The following SYNE2 variants were observed in gnomAD, a reference collection of about 807,000 sequenced individuals.
SYNE2 encodes the protein spectrin repeat containing nuclear envelope protein 2.
Under a neutral mutation model 856.3 loss-of-function variants are expected in SYNE2, and 431 were observed. The ratio of observed to expected loss-of-function variants is 0.50; its 90% CI spans 0.47 to 0.55. SYNE2 has a LOEUF of 0.55. Among genes scored for constraint, SYNE2 ranks in the 20% least tolerant of loss-of-function variants. The pLI is 0.00. For missense variants in SYNE2, 8,129 were observed against 8,023.2 expected, an observed-to-expected ratio of 1.01 and a Z score of -0.50; for synonymous variants, 2,923 against 2,872.3, an observed-to-expected ratio of 1.02 and a Z score of -0.56.
At chr14:63,902,407 CAAAAAAAA>C (rs10533353) in intron 1 of SYNE2, among the ~76,000 whole-genome samples, 2 of 74,644 alleles carry the variant, frequency 2.7e-5, no homozygotes, top group South Asian at 4.8e-4. Context: ...CGAGACTCCT[CAAAAAAAA>C]AAAAAAAAAA....
At chr14:64,174,108 G>A in intron 94 of SYNE2, 1 of 481,084 alleles carries the variant, frequency 2.1e-6, no homozygotes, top group East Asian at 3.3e-5. Flanking sequence ...GCGTCACTCT[G>A]TCACCCAGGC....
intron 32 of SYNE2, among the ~76,000 whole-genome samples, chr14:64,015,405 A>G (rs944202346): frequency 1.3e-5 from 2 of 152,040 alleles, no homozygotes; most frequent in Admixed American, 6.5e-5. Flanking sequence ...TGTATTTAAT[A>G]TTGGATGAGT....
Position 63,949,368 on chromosome 14 carries a change from A to G in SYNE2, c.409-457A>G, listed in dbSNP as rs547550087. On this transcript the variant is annotated intron_variant, in intron 6 of 115. Coordinates refer to ENST00000555002, the MANE Select transcript of SYNE2 (RefSeq NM_182914.3). ...ATTGTTTTTCATAGATTTAATGGCAATTTTATTTGTTTCCTCTGGACTTGT... is the reference window on the plus strand; with the variant it reads ...ATTGTTTTTCATAGATTTAATGGCAGTTTTATTTGTTTCCTCTGGACTTGT... Among the ~76,000 whole-genome samples the G allele has an allele frequency of 3.9e-5, 6 of 152,224 alleles. No homozygotes were observed. In the South Asian group the frequency reaches 1.0e-3, roughly 26 times the overall value.
chr14:64,149,203 C>T (rs2098218021), intron 84 of SYNE2, among the ~76,000 whole-genome samples: 1 of 151,628 alleles, frequency 6.6e-6, no homozygotes, highest in African/African-American at 2.4e-5. Flanking sequence ...TACTCGGGAG[C>T]TGAGGCAGGA....
intron 11 of SYNE2, among the ~76,000 whole-genome samples, chr14:63,974,852 ATGTGTG>A (rs1289413090): frequency 1.6e-3 from 124 of 78,652 alleles, no homozygotes; most frequent in Middle Eastern, 7.2e-3. Flanking sequence ...GTGTGTGTAC[ATGTGTG>A]TGTGTGTGTG....
intron 64 of SYNE2, among the ~76,000 whole-genome samples, chr14:64,103,548 A>G (rs2097751820): frequency 6.6e-6 from 1 of 151,182 alleles, no homozygotes; most frequent in Non-Finnish European, 1.5e-5. Flanking sequence ...TGATCCATAA[A>G]CCTCTCACTC....
At chr14:63,940,935 T>G (rs2095905715) in intron 3 of SYNE2, among the ~76,000 whole-genome samples, 1 of 152,236 alleles carries the variant, frequency 6.6e-6, no homozygotes, top group Admixed American at 6.5e-5. Flanking sequence ...ATCACATCTC[T>G]TTCATCAAGT....
chr14:63,763,415 G>A (rs1886562691), intron 1 of SYNE2, among the ~76,000 whole-genome samples: 2 of 151,304 alleles, frequency 1.3e-5, no homozygotes, highest in African/African-American at 2.4e-5. Context: ...TTTTTTTCAA[G>A]AGACAGAGTC....
chr14:64,216,881 T>A (rs1276697413), intron 108 of SYNE2, among the ~76,000 whole-genome samples: 1 of 152,134 alleles, frequency 6.6e-6, no homozygotes, highest in East Asian at 1.9e-4. Context: ...TGCACCACCA[T>A]GCCTGGCTAA....
intron 8 of SYNE2, among the ~76,000 whole-genome samples, chr14:63,959,308 T>G (rs2096279910): frequency 7.0e-6 from 1 of 142,174 alleles, no homozygotes. Context: ...TTTTTTTTTT[T>G]TTTTTGAGAT....
At chr14:64,085,141 C>T (rs767944869) in intron 57 of SYNE2, 13 of 613,238 alleles carry the variant, frequency 2.1e-5, no homozygotes, top group Non-Finnish European at 3.5e-5. Context: ...GGCACAATGT[C>T]GGCTCACTGC....
chr14:64,148,218 G>A (rs1567461990), intron 84 of SYNE2, among the ~76,000 whole-genome samples: 1 of 152,092 alleles, frequency 6.6e-6, no homozygotes, highest in Non-Finnish European at 1.5e-5. Flanking sequence ...AAGAGGCTAA[G>A]GGAAGAATAT....
chr14:64,056,978 ATTTC>A (rs1485411710), intron 49 of SYNE2, among the ~76,000 whole-genome samples: 3 of 151,102 alleles, frequency 2.0e-5, no homozygotes, highest in Non-Finnish European at 3.0e-5. Flanking sequence ...TTCTTCTGTT[ATTTC>A]TTTTTTTTAA....
intron 102 of SYNE2, 55 bp downstream of exon 102, chr14:64,209,633 T>TG: frequency 6.2e-7 from 1 of 1,606,274 alleles, no homozygotes; most frequent in Non-Finnish European, 8.5e-7. Context: ...GCAGCGAGCC[T>TG]GGGGGCTGCT....
chr14:63,967,481 A>C (rs2096409845), intron 10 of SYNE2, among the ~76,000 whole-genome samples: 1 of 152,170 alleles, frequency 6.6e-6, no homozygotes, highest in East Asian at 1.9e-4. Context: ...GTATAAATCC[A>C]ACAATACACA....
chr14:64,218,251 C>A, intron 108 of SYNE2, 147 bp from the exon 109 acceptor site: 1 of 751,604 alleles, frequency 1.3e-6, no homozygotes, highest in South Asian at 1.5e-5. Context: ...TACCTAGACA[C>A]TAAAGCACCA....
intron 90 of SYNE2, among the ~76,000 whole-genome samples, chr14:64,166,432 T>C (rs973669329): frequency 6.6e-6 from 1 of 152,228 alleles, no homozygotes; most frequent in African/African-American, 2.4e-5. Context: ...CTTGTCAGCT[T>C]AGAAGCTGTC....
intron 9 of SYNE2, among the ~76,000 whole-genome samples, chr14:63,962,351 C>T (rs1263376930): frequency 6.6e-6 from 1 of 151,974 alleles, no homozygotes; most frequent in South Asian, 2.1e-4. Flanking sequence ...CCACTGCGGC[C>T]GGCCTGTCAA....
At chr14:63,812,681 C>T (rs1888658920) in intron 1 of SYNE2, among the ~76,000 whole-genome samples, 1 of 152,074 alleles carries the variant, frequency 6.6e-6, no homozygotes, top group Non-Finnish European at 1.5e-5. Flanking sequence ...GATAAATATC[C>T]ATGAAATCTT....
Sources: allele counts gnomAD v4.1 joint callset (sites outside exome capture counted in the v4.1 genomes callset), GRCh38; gene constraint gnomAD v4.1.1; transcripts MANE v1.5; gene names NCBI Gene and HGNC (gene_info 2026-07-23, HGNC 2026-07-21).